Variants in CSMD1 observed in about 807,000 individuals in gnomAD.
CSMD1 encodes the protein CUB and sushi domain-containing protein 1.
Under a neutral mutation model 417.5 loss-of-function variants are expected in CSMD1, and 213 were observed. That is an observed-to-expected ratio of 0.51 (90% confidence interval 0.46 to 0.57). The LOEUF (loss-of-function observed/expected upper bound fraction) is 0.57, where lower values mean the gene tolerates loss of function less well. CSMD1 is among the 20% of genes least tolerant of loss of function. The pLI is 0.00. For missense variants in CSMD1, 6,923 were observed against 4,529.7 expected, an observed-to-expected ratio of 1.53 and a Z score of -15.17; for synonymous variants, 2,862 against 1,736.8, an observed-to-expected ratio of 1.65 and a Z score of -16.11.
chr8:3,526,236 C>T (rs151229871), intron 10 of CSMD1, among the ~76,000 whole-genome samples: 340 of 152,066 alleles, frequency 2.2e-3, no homozygotes, highest in African/African-American at 7.9e-3. Flanking sequence ...CCTGAACCTT[C>T]TATAGAATAT....
chr8:3,530,712 G>A (rs1413318375), intron 10 of CSMD1, among the ~76,000 whole-genome samples: 2 of 151,944 alleles, frequency 1.3e-5, no homozygotes, highest in East Asian at 1.9e-4. Context: ...TGTATTTTTA[G>A]TAGAGACAGT....
At chr8:4,213,495 G>A (rs1485607117) in intron 3 of CSMD1, among the ~76,000 whole-genome samples, 1 of 152,208 alleles carries the variant, frequency 6.6e-6, no homozygotes, top group East Asian at 1.9e-4. Flanking sequence ...AAAAACACTT[G>A]CTAAATAAAA....
chr8:4,781,110 T>C (rs1797129996), intron 1 of CSMD1, among the ~76,000 whole-genome samples: 1 of 152,212 alleles, frequency 6.6e-6, no homozygotes, highest in African/African-American at 2.4e-5. Context: ...TCTGGTGGTG[T>C]CTTTTCTTTC....
chr8:3,790,647 A>T (rs1799683934), intron 5 of CSMD1, among the ~76,000 whole-genome samples: 1 of 152,220 alleles, frequency 6.6e-6, no homozygotes, highest in African/African-American at 2.4e-5. Flanking sequence ...AAGAGATAAT[A>T]GCTGGGATTT....
At chr8:3,426,994 G>C (rs952246365) in intron 12 of CSMD1, among the ~76,000 whole-genome samples, 3 of 152,160 alleles carry the variant, frequency 2.0e-5, no homozygotes, top group African/African-American at 7.2e-5. Flanking sequence ...CGGCATGAAG[G>C]AGAGGAATGC....
At chr8:4,024,407 A>T (rs184421301) in intron 4 of CSMD1, among the ~76,000 whole-genome samples, 3 of 152,166 alleles carry the variant, frequency 2.0e-5, no homozygotes, top group African/African-American at 7.2e-5. Context: ...CTTTCATGGG[A>T]AAACTTTATT....
rs527526703 is a variant in CSMD1, at chr8:2,936,350, A to G, written c.*2235T>C. ...CAGCATTTTGCACCTAGTTTGAATG[A>G]CTCAAACTTAGATATGTACAATATA... On this transcript the variant is annotated 3_prime_UTR_variant, in exon 70 of 70. Coordinates refer to ENST00000635120, the MANE Select transcript of CSMD1 (RefSeq NM_033225.6). 1.3e-5 allele frequency: 2 copies of G among 148,654 alleles called. No individual in the cohort carries two copies. Among genetic ancestry groups the G allele is most frequent in the African/African-American group, 2.5e-5 (1 of 40,318 alleles). 9.2% of individuals were successfully genotyped at this position (148,654 alleles called of 1,614,324 possible).
At chr8:4,890,255 G>C (rs1254509772) in intron 1 of CSMD1, among the ~76,000 whole-genome samples, 1 of 152,088 alleles carries the variant, frequency 6.6e-6, no homozygotes, top group African/African-American at 2.4e-5. Flanking sequence ...CGATAGAGTG[G>C]AGTGAATTTG....
At chr8:4,964,347 T>C (rs1360377189) in intron 1 of CSMD1, among the ~76,000 whole-genome samples, 1 of 151,360 alleles carries the variant, frequency 6.6e-6, no homozygotes, top group Non-Finnish European at 1.5e-5. Context: ...ATCCCATTTC[T>C]ACAAAAAGTA....
At chr8:3,124,429 T>C (rs1449708312) in intron 41 of CSMD1, among the ~76,000 whole-genome samples, 5 of 152,182 alleles carry the variant, frequency 3.3e-5, no homozygotes, top group Non-Finnish European at 7.3e-5. Context: ...CAAAATTGTT[T>C]TGTTGAAGAA....
intron 10 of CSMD1, among the ~76,000 whole-genome samples, chr8:3,495,432 G>T (rs1166775555): frequency 1.3e-5 from 2 of 152,070 alleles, no homozygotes; most frequent in Non-Finnish European, 2.9e-5. Flanking sequence ...CTATATGAAT[G>T]GGCTCTCATT....
At position 3,660,813 on chromosome 8, in the gene CSMD1, G is replaced by A. The variant is rs144255379; in HGVS notation, c.1010-44016C>T. On this transcript the variant is annotated intron_variant, in intron 7 of 69. Coordinates refer to ENST00000635120, the MANE Select transcript of CSMD1 (RefSeq NM_033225.6). ...TGGAATCACAGGCGTGAGCCACCCCGCCCGACTGACTTTTTCTTAACTCAT... is the reference window on the plus strand; with the variant it reads ...TGGAATCACAGGCGTGAGCCACCCCACCCGACTGACTTTTTCTTAACTCAT... Among the ~76,000 whole-genome samples the A allele has an allele frequency of 3.3e-3, 502 of 152,106 alleles. 1 individual carries two copies. The highest frequency in any genetic ancestry group is 0.011 in the African/African-American group (439 of 41,500).
chr8:4,106,888 A>G (rs1368801599), intron 3 of CSMD1, among the ~76,000 whole-genome samples: 1 of 152,194 alleles, frequency 6.6e-6, no homozygotes, highest in African/African-American at 2.4e-5. Context: ...AGTCATCGTT[A>G]ATATTTAAAA....
intron 2 of CSMD1, among the ~76,000 whole-genome samples, chr8:4,486,793 G>C (rs1239142554): frequency 2.0e-5 from 3 of 152,132 alleles, no homozygotes; most frequent in African/African-American, 4.8e-5. Flanking sequence ...CCTGAAAACT[G>C]CCTCTGCTCT....
Position 3,284,290 on chromosome 8 carries a change from T to C in CSMD1, c.4007A>G (p.Asp1336Gly). ...EMAHDILKVWDGPVDSDILLK... is the reference protein window; with the variant it reads ...EMAHDILKVWGGPVDSDILLK... ...CAGGATGTCACTGTCCACCGGCCCG[T>C]CCCAGACCTTGAGGATGTCGTGAGC... The change falls in exon 26 of 70, where the codon GAC (aspartate) becomes GGC (glycine). Residue 1336 changes from aspartate (D) to glycine (G), a missense_variant. Physicochemically the swap from Asp to Gly is moderately conservative, Grantham distance 94. Coordinates refer to ENST00000635120, the MANE Select transcript of CSMD1 (RefSeq NM_033225.6). The C allele has an allele frequency of 6.2e-6, 10 of 1,613,882 alleles. No homozygotes were observed. The highest frequency in any genetic ancestry group is 8.5e-6 in the Non-Finnish European group (10 of 1,179,856).
At chr8:4,957,649 T>C (rs1167724541) in intron 1 of CSMD1, among the ~76,000 whole-genome samples, 1 of 152,226 alleles carries the variant, frequency 6.6e-6, no homozygotes, top group African/African-American at 2.4e-5. Flanking sequence ...TTTACCATTC[T>C]AGAGTTAAAA....
chr8:4,600,699 A>G (rs957440849), intron 2 of CSMD1, among the ~76,000 whole-genome samples: 1 of 152,186 alleles, frequency 6.6e-6, no homozygotes, highest in African/African-American at 2.4e-5. Context: ...GGGGAATGGC[A>G]TTCTTTTCTA....
chr8:4,462,307 T>C (rs1585117570), intron 2 of CSMD1, among the ~76,000 whole-genome samples: 2 of 152,226 alleles, frequency 1.3e-5, no homozygotes, highest in East Asian at 1.9e-4. Flanking sequence ...AAGTACAAAA[T>C]ATATATTCCA....
Position 4,940,921 on chromosome 8 carries a change from G to A in CSMD1, c.85+53411C>T, listed in dbSNP as rs181262858. Among the ~76,000 whole-genome samples the A allele has an allele frequency of 1.5e-4, 23 of 152,268 alleles. No individual in the cohort carries two copies. The East Asian group carries it at 3.7e-3, about 24-fold the overall frequency. ...TTCTTTATTCTCCAAGAGGAGAAGT[G>A]TTTGGGCAATATTTCTTTAACAGTT... On this transcript the variant is annotated intron_variant, in intron 1 of 69. Transcript: ENST00000635120.
Sources: gnomAD v4.1 joint callset for allele counts (sites outside exome capture counted in the v4.1 genomes callset) on GRCh38, gnomAD v4.1.1 for gene constraint, MANE v1.5 for transcripts, NCBI Gene and HGNC (gene_info 2026-07-23, HGNC 2026-07-21) for gene names.